Variants in CENPK observed in about 807,000 individuals in gnomAD.
CENPK encodes SoxLZ/Sox6-binding protein Solt.
A neutral mutation model predicts 40.9 loss-of-function variants in CENPK; 46 were observed. That is an observed-to-expected ratio of 1.13 (90% confidence interval 0.89 to 1.44). The LOEUF (loss-of-function observed/expected upper bound fraction) is 1.44, where lower values mean the gene tolerates loss of function less well. Among genes scored for constraint, CENPK ranks in the 40% most tolerant of loss-of-function variants. CENPK has a pLI of 0.00. For synonymous variants in CENPK, 107 were observed against 104.4 expected (o/e 1.02, Z -0.15); for missense variants, 288 against 303.5 (o/e 0.95, Z 0.38).
At chr5:65,510,673 G>A in the CENPK span, among the ~76,000 whole-genome samples, 921 of 152,138 alleles carry the variant, frequency 6.1e-3, 8 homozygotes, top group African/African-American at 0.02. Flanking sequence ...CTACTCGGGA[G>A]GCTGAGGCAG....
chr5:65,556,304 C>T (rs1750967310), intron 2 of CENPK, among the ~76,000 whole-genome samples: 1 of 152,038 alleles, frequency 6.6e-6, no homozygotes, highest in Admixed American at 6.6e-5. Context: ...AGACCCCTAT[C>T]TCTATAAAAA....
At chr5:65,560,823 C>T (rs1751832434) in intron 2 of CENPK, 1 of 151,988 alleles carries the variant, frequency 6.6e-6, no homozygotes, top group African/African-American at 2.4e-5. Flanking sequence ...TTCTTGTGAT[C>T]CAGAAGTTCT....
At chr5:65,549,120 A>G (rs1749528599) in intron 5 of CENPK, among the ~76,000 whole-genome samples, 1 of 152,236 alleles carries the variant, frequency 6.6e-6, no homozygotes, top group South Asian at 2.1e-4. Flanking sequence ...TGTTGCATCA[A>G]CAGACATGAG....
chr5:65,538,680 A>G (rs1747397520), intron 6 of CENPK, among the ~76,000 whole-genome samples: 1 of 152,204 alleles, frequency 6.6e-6, no homozygotes, highest in Non-Finnish European at 1.5e-5. Flanking sequence ...AACTAGCAGT[A>G]CACCATGCAG....
intron 5 of CENPK, among the ~76,000 whole-genome samples, chr5:65,547,315 C>G (rs1016471235): frequency 2.0e-5 from 3 of 151,042 alleles, no homozygotes; most frequent in African/African-American, 7.3e-5. Context: ...ACTGCTTGAA[C>G]CTGGAAGACA....
the CENPK span, among the ~76,000 whole-genome samples, chr5:65,509,275 C>T: frequency 1.8e-4 from 27 of 152,212 alleles, no homozygotes; most frequent in Non-Finnish European, 3.2e-4. Context: ...CTGGGACAAC[C>T]TATGCATTGC....
At chr5:65,557,509 C>T (rs186074499) in intron 2 of CENPK, among the ~76,000 whole-genome samples, 2 of 152,142 alleles carry the variant, frequency 1.3e-5, no homozygotes, top group East Asian at 1.9e-4. Flanking sequence ...CCATGTTATG[C>T]GAAAGCCCAA....
At position 65,528,478 on chromosome 5, in the gene CENPK, G is replaced by A. The variant is rs1468783521; in HGVS notation, c.571C>T (p.Pro191Ser). 1.2e-6 allele frequency: 2 copies of A among 1,602,650 alleles called. No individual in the cohort carries two copies. The highest frequency in any genetic ancestry group is 1.4e-5 in the African/African-American group (1 of 73,980). The change falls in exon 9 of 11, where the codon CCT becomes TCT. Residue 191 changes from proline (P) to serine (S), a missense_variant. Physicochemically the swap from Pro to Ser is moderately conservative, Grantham distance 74. Coordinates refer to ENST00000396679, the MANE Select transcript of CENPK (RefSeq NM_022145.5). Reference protein sequence around the residue: ...GEFLEDHFPLPDRSVKKKKKN... With the variant: ...GEFLEDHFPLSDRSVKKKKKN... The stretch of plus-strand genomic sequence containing the variant: ...TTTTTCTTTTTAACACTTCTATCAG[G>A]CAGAGGAAAATGGTCTTCTAGAAAC...
intron 9 of CENPK, among the ~76,000 whole-genome samples, chr5:65,525,864 G>A (rs937407971): frequency 1.6e-5 from 2 of 124,450 alleles, no homozygotes; most frequent in Non-Finnish European, 3.4e-5. Flanking sequence ...AGAGAGACCA[G>A]AAACCAACCC....
downstream of CENPK, chr5:65,517,629 G>A (rs904391556): frequency 6.6e-6 from 1 of 152,028 alleles, no homozygotes; most frequent in Admixed American, 6.5e-5. Flanking sequence ...ATTTATCTTA[G>A]AAAACTAATG....
At chr5:65,551,117 G>A (rs1232070389) in intron 5 of CENPK, 1 of 362,558 alleles carries the variant, frequency 2.8e-6, no homozygotes, top group Admixed American at 3.7e-5. Flanking sequence ...AAGCATGGTG[G>A]CACACACTTG....
At chr5:65,554,276 C>A (rs540875778) in intron 3 of CENPK, among the ~76,000 whole-genome samples, 1 of 152,076 alleles carries the variant, frequency 6.6e-6, no homozygotes, top group East Asian at 1.9e-4. Flanking sequence ...CTTAGCCACC[C>A]GAGTAGCTGA....
chr5:65,524,645 C>T (rs1007592490), intron 9 of CENPK: 5 of 155,284 alleles, frequency 3.2e-5, no homozygotes, highest in African/African-American at 9.8e-5. Context: ...CATGCCACTG[C>T]ATTCCAGCCT....
chr5:65,503,851 T>C, the CENPK span, among the ~76,000 whole-genome samples: 1 of 151,492 alleles, frequency 6.6e-6, no homozygotes. Context: ...AGAGATGGGG[T>C]TTCACCATAT....
chr5:65,504,243 G>A, the CENPK span, among the ~76,000 whole-genome samples: 68 of 151,666 alleles, frequency 4.5e-4, no homozygotes, highest in African/African-American at 1.6e-3. Context: ...GATTACCTGA[G>A]GTGAGGAGTT....
At chr5:65,560,504 GTTTAT>G (rs1377195271) in intron 2 of CENPK, among the ~76,000 whole-genome samples, 3 of 152,138 alleles carry the variant, frequency 2.0e-5, no homozygotes, top group Admixed American at 1.3e-4. Flanking sequence ...TAAACTTTAC[GTTTAT>G]TTTGTGTCTG....
At chr5:65,544,867 G>A (rs1489000845) in intron 5 of CENPK, among the ~76,000 whole-genome samples, 1 of 152,126 alleles carries the variant, frequency 6.6e-6, no homozygotes, top group East Asian at 1.9e-4. Flanking sequence ...GCCAGGGCTG[G>A]GGGATGATGG....
intron 5 of CENPK, among the ~76,000 whole-genome samples, chr5:65,549,841 G>A (rs1749657155): frequency 6.6e-6 from 1 of 152,146 alleles, no homozygotes; most frequent in Non-Finnish European, 1.5e-5. Flanking sequence ...CTCTATAACA[G>A]CAATAAGGCT....
intron 5 of CENPK, among the ~76,000 whole-genome samples, chr5:65,543,819 T>C (rs1561667411): frequency 1.3e-5 from 2 of 152,232 alleles, no homozygotes; most frequent in African/African-American, 4.8e-5. Context: ...AATGTGTACT[T>C]TGAATCTGAA....
Sources: allele counts gnomAD v4.1 joint callset (sites outside exome capture counted in the v4.1 genomes callset), GRCh38; gene constraint gnomAD v4.1.1; transcripts MANE v1.5; gene names NCBI Gene and HGNC (gene_info 2026-07-23, HGNC 2026-07-21).